The following SOX6 variants were observed in gnomAD, a reference collection of about 807,000 sequenced individuals.
The protein encoded by SOX6 is transcription factor SOX-6.
A neutral mutation model predicts 97.8 loss-of-function variants in SOX6; 11 were observed. That is an observed-to-expected ratio of 0.11 (90% CI 0.07 to 0.19). The LOEUF (loss-of-function observed/expected upper bound fraction) is 0.19. Ranked by LOEUF, SOX6 falls within the 10% of genes least tolerant of loss-of-function variation. The probability of loss-of-function intolerance (pLI) is 1.00; values close to 1 mark genes in which losing one functional copy is unlikely to be tolerated. For synonymous variants in SOX6, 360 were observed against 371.4 expected (o/e 0.97, Z 0.35); for missense variants, 810 against 1,039.5 (o/e 0.78, Z 3.04).
At chr11:16,545,853 G>A (rs1310177178) in intron 4 of SOX6, among the ~76,000 whole-genome samples, 2 of 152,166 alleles carry the variant, frequency 1.3e-5, no homozygotes, top group Non-Finnish European at 2.9e-5. Context: ...TCAGGAGGTT[G>A]AGTTGGGAAA....
intron 2 of SOX6, among the ~76,000 whole-genome samples, chr11:16,336,793 T>G (rs1214295337): frequency 6.6e-6 from 1 of 152,176 alleles, no homozygotes; most frequent in African/African-American, 2.4e-5. Flanking sequence ...CACCAGCCAC[T>G]CTGTTGTTTT....
intron 2 of SOX6, among the ~76,000 whole-genome samples, chr11:16,323,501 C>T (rs1855985036): frequency 6.6e-6 from 1 of 152,004 alleles, no homozygotes; most frequent in Admixed American, 6.6e-5. Flanking sequence ...ATCAAAATTA[C>T]TCAAATCTTT....
intron 1 of SOX6, among the ~76,000 whole-genome samples, chr11:16,422,044 A>G (rs1859030361): frequency 6.6e-6 from 1 of 152,188 alleles, no homozygotes; most frequent in Non-Finnish European, 1.5e-5. Flanking sequence ...AGCAGTCCCT[A>G]GGCGTGCTTC....
intron 2 of SOX6, among the ~76,000 whole-genome samples, chr11:16,330,031 G>A (rs1856237569): frequency 6.6e-6 from 1 of 151,980 alleles, no homozygotes; most frequent in Non-Finnish European, 1.5e-5. Context: ...AACACAGTTT[G>A]GCCAGTCTGA....
chr11:16,543,088 A>G (rs1184837805), intron 4 of SOX6, among the ~76,000 whole-genome samples: 2 of 152,116 alleles, frequency 1.3e-5, no homozygotes, highest in Non-Finnish European at 2.9e-5. Flanking sequence ...ATTAAGTAGT[A>G]ACATTAATTG....
chr11:16,602,211 A>G (rs1848278743), intron 4 of SOX6, among the ~76,000 whole-genome samples: 1 of 152,228 alleles, frequency 6.6e-6, no homozygotes, highest in Admixed American at 6.5e-5. Flanking sequence ...AACAATAAAC[A>G]AAAAGCTATC....
intron 4 of SOX6, among the ~76,000 whole-genome samples, chr11:16,528,270 A>C (rs1861195674): frequency 6.6e-6 from 1 of 152,144 alleles, no homozygotes; most frequent in African/African-American, 2.4e-5. Context: ...ACAATATGTC[A>C]CACTTACTAT....
chr11:16,480,344 C>T (rs1860322721), upstream of SOX6, among the ~76,000 whole-genome samples: 1 of 151,968 alleles, frequency 6.6e-6, no homozygotes, highest in African/African-American at 2.4e-5. Context: ...AGAAATGACC[C>T]AGATCTAGGA....
intron 9 of SOX6, 125 bp downstream of exon 9, chr11:16,095,871 G>T: frequency 8.7e-7 from 1 of 1,152,284 alleles, no homozygotes; most frequent in South Asian, 1.4e-5. Flanking sequence ...ATGAGAAAAA[G>T]GGAAAGATTA....
At chr11:16,448,417 T>A (rs949418340) in intron 1 of SOX6, among the ~76,000 whole-genome samples, 11 of 152,138 alleles carry the variant, frequency 7.2e-5, no homozygotes, top group Non-Finnish European at 1.2e-4. Context: ...CTCATTTTTT[T>A]TTCCCCATTA....
chr11:16,297,036 A>G (rs1446144314), intron 3 of SOX6, among the ~76,000 whole-genome samples: 2 of 152,190 alleles, frequency 1.3e-5, no homozygotes, highest in South Asian at 2.1e-4. Flanking sequence ...AAAGTTTTAC[A>G]TATTTTTGTA....
At chr11:16,584,089 C>A (rs751069979) in intron 4 of SOX6, among the ~76,000 whole-genome samples, 18 of 152,128 alleles carry the variant, frequency 1.2e-4, no homozygotes, top group Non-Finnish European at 2.2e-4. Flanking sequence ...AGGTGCCAGG[C>A]ACTGCTCCAG....
chr11:15,989,669 T>G (rs190950746), intron 13 of SOX6, among the ~76,000 whole-genome samples: 62 of 152,348 alleles, frequency 4.1e-4, no homozygotes, highest in Middle Eastern at 3.4e-3. Context: ...TCTCACTGCC[T>G]AGAAGACACT....
chr11:16,726,835 A>G (rs1848309873), intron 2 of SOX6, among the ~76,000 whole-genome samples: 1 of 152,188 alleles, frequency 6.6e-6, no homozygotes, highest in Admixed American at 6.5e-5. Flanking sequence ...CACTAGAATA[A>G]AGAGACTAGA....
chr11:16,096,117 TTC>T lies in SOX6; in HGVS notation c.979-1_979del, dbSNP rs1848788534. 3 of 1,610,838 alleles carry T rather than the reference TTC, an allele frequency of 1.9e-6. No individual in the cohort carries two copies. Among genetic ancestry groups the T allele is most frequent in the Non-Finnish European group, 2.5e-6 (3 of 1,178,238 alleles). ...AATTTGTGGGTGGGAGACATGACCC[TTC>T]TGTTTAGTAGCATATTCAGAAAAAA... On this transcript the variant is annotated splice_acceptor_variant and coding_sequence_variant, in exon 9 of 16. Transcript: ENST00000683767. LOFTEE classifies it high-confidence loss of function.
At chr11:16,444,404 G>A (rs1307088146) in intron 1 of SOX6, among the ~76,000 whole-genome samples, 2 of 152,062 alleles carry the variant, frequency 1.3e-5, no homozygotes, top group Non-Finnish European at 2.9e-5. Flanking sequence ...AAGGCAAATG[G>A]TAATGGCTCA....
At chr11:16,175,873 T>C (rs770542397) in intron 6 of SOX6, among the ~76,000 whole-genome samples, 8 of 151,918 alleles carry the variant, frequency 5.3e-5, no homozygotes, top group Non-Finnish European at 8.8e-5. Flanking sequence ...AATATCCTCA[T>C]AGACAAATAA....
intron 1 of SOX6, among the ~76,000 whole-genome samples, chr11:16,473,888 G>T (rs1860188753): frequency 6.6e-6 from 1 of 152,144 alleles, no homozygotes; most frequent in Non-Finnish European, 1.5e-5. Flanking sequence ...CTGTTTGATA[G>T]CATTTTACCC....
intron 4 of SOX6, among the ~76,000 whole-genome samples, chr11:16,191,195 C>T (rs1178525549): frequency 6.6e-6 from 1 of 152,170 alleles, no homozygotes; most frequent in Non-Finnish European, 1.5e-5. Flanking sequence ...AGGCTCATGC[C>T]TGTAATCCCA....
Sources: gnomAD v4.1 joint callset for allele counts (sites outside exome capture counted in the v4.1 genomes callset) on GRCh38, gnomAD v4.1.1 for gene constraint, MANE v1.5 for transcripts, NCBI Gene and HGNC (gene_info 2026-07-23, HGNC 2026-07-21) for gene names.